The following DPP10 variants were observed in gnomAD, a reference collection of about 807,000 sequenced individuals.
DPP10 encodes the protein dipeptidyl peptidase like 10, also known as inactive dipeptidyl peptidase 10.
DPP10 carries 33 observed loss-of-function variants against 120.9 expected under a neutral mutation model. The observed-to-expected ratio is 0.27, with a 90% CI of 0.21 to 0.37. DPP10 has a LOEUF of 0.37. DPP10 is among the 10% of genes least tolerant of loss of function. The probability of loss-of-function intolerance (pLI) is 1.00; values close to 1 mark genes in which losing one functional copy is unlikely to be tolerated. For synonymous variants in DPP10, 337 were observed against 326.1 expected (o/e 1.03, Z -0.36); for missense variants, 816 against 942.8 (o/e 0.87, Z 1.76).
At chr2:115,161,973 A>C (rs1176043971) in intron 1 of DPP10, 6 of 1,420,490 alleles carry the variant, frequency 4.2e-6, no homozygotes, top group South Asian at 1.5e-5. Flanking sequence ...GCCGCGAAGC[A>C]GGAGCCGCAG....
intron 1 of DPP10, among the ~76,000 whole-genome samples, chr2:114,549,360 T>C (rs1317222441): frequency 6.6e-6 from 1 of 151,960 alleles, no homozygotes; most frequent in African/African-American, 2.4e-5. Context: ...CTAAGCAGAC[T>C]ATTAGAAAAC....
chr2:115,678,753 AACACCAGCC>A, intron 5 of DPP10, among the ~76,000 whole-genome samples: 1 of 152,212 alleles, frequency 6.6e-6, no homozygotes, highest in Non-Finnish European at 1.5e-5. Flanking sequence ...GCAGGCACTC[AACACCAGCC>A]CATGAAAGCA....
At chr2:115,762,390 T>A (rs371115402) in intron 11 of DPP10, among the ~76,000 whole-genome samples, 182 bp from the exon 12 acceptor site, 5 of 53,932 alleles carry the variant, frequency 9.3e-5, no homozygotes, top group East Asian at 1.6e-3. Context: ...TAAATTATCG[T>A]TTAGTCCCTA....
chr2:115,470,460 G>C (rs2074634491), intron 3 of DPP10, among the ~76,000 whole-genome samples: 2 of 152,108 alleles, frequency 1.3e-5, no homozygotes, highest in African/African-American at 4.8e-5. Flanking sequence ...CAAGTAGATG[G>C]CCAAATGTTT....
rs1199806984 is a variant in DPP10 at position 114,690,076 on chromosome 2, C to G, written c.60+247238C>G. 2.6e-5 allele frequency among the ~76,000 whole-genome samples: 4 copies of G among 151,958 alleles called. No individual in the cohort carries two copies. In the South Asian group the frequency reaches 6.2e-4, roughly 24 times the overall value. On this transcript the variant is annotated intron_variant, in intron 1 of 25. Coordinates refer to ENST00000410059, the MANE Select transcript of DPP10 (RefSeq NM_020868.6). ...CAGTTTCTTTTGCTGTGAAGATGCT[C>G]TTTAGTTTAATTAGATCCCATTTGT...
chr2:115,550,268 C>T (rs1475816050), intron 5 of DPP10, among the ~76,000 whole-genome samples: 1 of 152,076 alleles, frequency 6.6e-6, no homozygotes, highest in Non-Finnish European at 1.5e-5. Flanking sequence ...ATGAAGAAAA[C>T]TCATCATTGT....
At chr2:115,719,574 A>G (rs781322361) in intron 7 of DPP10, among the ~76,000 whole-genome samples, 1 of 152,208 alleles carries the variant, frequency 6.6e-6, no homozygotes. Flanking sequence ...TTGTGCTCAT[A>G]GTTTTGCTTT....
chr2:114,958,594 C>T (rs1286213847), intron 1 of DPP10, among the ~76,000 whole-genome samples: 4 of 152,136 alleles, frequency 2.6e-5, no homozygotes, highest in Non-Finnish European at 5.9e-5. Flanking sequence ...TTGATTTAAT[C>T]ATTCTATAAT....
At chr2:115,166,666 A>C (rs1386837940) in intron 1 of DPP10, among the ~76,000 whole-genome samples, 1 of 150,364 alleles carries the variant, frequency 6.7e-6, no homozygotes, top group Non-Finnish European at 1.5e-5. Context: ...TATCTGTTTG[A>C]TTATTTCAGG....
At chr2:114,691,328 G>A (rs1699732833) in intron 1 of DPP10, among the ~76,000 whole-genome samples, 1 of 152,046 alleles carries the variant, frequency 6.6e-6, no homozygotes, top group Admixed American at 6.6e-5. Flanking sequence ...GTAATCATGT[G>A]GTTTTTGTCT....
intron 3 of DPP10, among the ~76,000 whole-genome samples, chr2:115,357,898 A>G (rs973651684): frequency 1.4e-4 from 21 of 152,108 alleles, no homozygotes; most frequent in African/African-American, 5.1e-4. Context: ...CTGAAGCAAC[A>G]TCTTGAGCTG....
intron 3 of DPP10, among the ~76,000 whole-genome samples, chr2:115,406,776 C>T (rs185345829): frequency 1.3e-5 from 2 of 152,024 alleles, no homozygotes; most frequent in East Asian, 1.9e-4. Context: ...TAGAGCTTTA[C>T]AATATATGAA....
chr2:114,653,883 C>G (rs1208397110), intron 1 of DPP10, among the ~76,000 whole-genome samples: 1 of 152,162 alleles, frequency 6.6e-6, no homozygotes, highest in Non-Finnish European at 1.5e-5. Flanking sequence ...ACTAGCCCCT[C>G]TGTGTAGTGA....
chr2:114,876,647 T>G (rs1691186200), intron 1 of DPP10, among the ~76,000 whole-genome samples: 1 of 152,124 alleles, frequency 6.6e-6, no homozygotes, highest in Admixed American at 6.6e-5. Flanking sequence ...CTAAACCAGC[T>G]GTCTCCAATT....
intron 17 of DPP10, among the ~76,000 whole-genome samples, chr2:115,785,582 G>A (rs1683246162): frequency 6.6e-6 from 1 of 152,104 alleles, no homozygotes; most frequent in African/African-American, 2.4e-5. Context: ...GTATGTCCAG[G>A]AATTTATCAA....
chr2:115,695,984 G>T (rs774763681), intron 7 of DPP10, among the ~76,000 whole-genome samples: 3 of 152,076 alleles, frequency 2.0e-5, no homozygotes, highest in Non-Finnish European at 4.4e-5. Flanking sequence ...TTACTAGAGA[G>T]TCAAGATATA....
At chr2:115,214,345 G>A (rs1256006694) in intron 1 of DPP10, among the ~76,000 whole-genome samples, 1 of 152,142 alleles carries the variant, frequency 6.6e-6, no homozygotes, top group African/African-American at 2.4e-5. Flanking sequence ...TCTGTCTGGG[G>A]GTTAAGCTTA....
intron 1 of DPP10, among the ~76,000 whole-genome samples, chr2:114,634,564 G>A (rs1464776331): frequency 2.0e-5 from 3 of 151,862 alleles, no homozygotes; most frequent in Non-Finnish European, 4.4e-5. Context: ...GGGGAAGACA[G>A]GCTTTGAAAT....
chr2:115,491,627 G>A (rs1318819506), intron 3 of DPP10, among the ~76,000 whole-genome samples: 2 of 152,092 alleles, frequency 1.3e-5, no homozygotes, highest in Non-Finnish European at 2.9e-5. Context: ...CTGGCTGGAA[G>A]GGGTTATCTA....
Sources: gnomAD v4.1 joint callset for allele counts (sites outside exome capture counted in the v4.1 genomes callset) on GRCh38, gnomAD v4.1.1 for gene constraint, MANE v1.5 for transcripts, NCBI Gene and HGNC (gene_info 2026-07-23, HGNC 2026-07-21) for gene names.